The following RERE variants were observed in gnomAD, a reference collection of about 807,000 sequenced individuals.
The protein encoded by RERE is arginine-glutamic acid dipeptide repeats protein.
Under a neutral mutation model 146.1 loss-of-function variants are expected in RERE, and 40 were observed. The ratio of observed to expected loss-of-function variants is 0.27; its 90% confidence interval spans 0.21 to 0.36. The LOEUF is 0.36. Ranked by LOEUF, RERE falls within the 10% of genes least tolerant of loss-of-function variation. The pLI is 1.00. For synonymous variants in RERE, 1,003 were observed against 866.0 expected, an observed-to-expected ratio of 1.16 and a Z score of -2.78; for missense variants, 1,933 against 2,138.7, an observed-to-expected ratio of 0.90 and a Z score of 1.90.
intron 1 of RERE, among the ~76,000 whole-genome samples, chr1:8,695,223 A>G (rs11121220): frequency 0.014 from 2,181 of 152,300 alleles, 48 homozygotes; most frequent in African/African-American, 0.048. Context: ...AGCCATATGC[A>G]GAACTGGACC....
At chr1:8,382,294 C>T (rs1048264082) in intron 12 of RERE, among the ~76,000 whole-genome samples, 8 of 152,284 alleles carry the variant, frequency 5.3e-5, no homozygotes, top group African/African-American at 1.7e-4. Flanking sequence ...GTGGTCAACA[C>T]TTCCACCAGC....
chr1:8,386,023 T>TAAA (rs1491131483), intron 12 of RERE, among the ~76,000 whole-genome samples: 1 of 21,726 alleles, frequency 4.6e-5, no homozygotes, highest in African/African-American at 2.0e-4. Context: ...TATATATATA[T>TAAA]TTTTTTTTTT....
At chr1:8,440,787 T>C (rs551418900) in intron 11 of RERE, among the ~76,000 whole-genome samples, 2 of 149,258 alleles carry the variant, frequency 1.3e-5, no homozygotes, top group Non-Finnish European at 3.0e-5. Context: ...TCCCACCTAC[T>C]TGGGGAGGCT....
intron 4 of RERE, among the ~76,000 whole-genome samples, chr1:8,601,115 G>A (rs192697883): frequency 9.5e-5 from 14 of 147,662 alleles, no homozygotes; most frequent in Admixed American, 2.8e-4. Context: ...CACCTTCTGG[G>A]TTCAAGCAGT....
At chr1:8,587,619 C>T (rs138565763) in intron 4 of RERE, among the ~76,000 whole-genome samples, 7 of 152,272 alleles carry the variant, frequency 4.6e-5, no homozygotes, top group African/African-American at 1.7e-4. Flanking sequence ...GAATTCTGAT[C>T]ACATACTCAT....
chr1:8,806,663 C>T (rs1197617722), intron 1 of RERE: 1 of 152,094 alleles, frequency 6.6e-6, no homozygotes, highest in Admixed American at 6.5e-5. Context: ...GTACTCTTCG[C>T]AAGCAAGGTG....
At chr1:8,422,653 A>G (rs889553482) in intron 12 of RERE, 74 bp downstream of exon 12, 41 of 1,136,236 alleles carry the variant, frequency 3.6e-5, no homozygotes, top group African/African-American at 6.1e-5. Context: ...AAACCATTTC[A>G]TAAGATCAAA....
chr1:8,706,224 C>A (rs768557628), intron 1 of RERE, among the ~76,000 whole-genome samples: 5 of 151,050 alleles, frequency 3.3e-5, no homozygotes, highest in Admixed American at 6.6e-5. Flanking sequence ...GAGGCTGAGA[C>A]AGGAGGATCC....
intron 4 of RERE, among the ~76,000 whole-genome samples, chr1:8,583,855 C>T (rs1020898243): frequency 2.1e-4 from 32 of 151,834 alleles, no homozygotes; most frequent in Non-Finnish European, 3.4e-4. Flanking sequence ...AAATTAAATT[C>T]GCATAAAAAC....
chr1:8,384,701 TACAG>T (rs1161934631), intron 12 of RERE, among the ~76,000 whole-genome samples: 1 of 152,230 alleles, frequency 6.6e-6, no homozygotes, highest in African/African-American at 2.4e-5. Context: ...TCCCTCTAGT[TACAG>T]ACAATTAACA....
At chr1:8,380,746 G>A (rs1642416904) in intron 12 of RERE, 1 of 427,050 alleles carries the variant, frequency 2.3e-6, no homozygotes, top group Middle Eastern at 3.4e-4. Flanking sequence ...AGAACAGAAA[G>A]GTAGAGATTT....
chr1:8,800,509 A>T (rs1641567610), intron 1 of RERE, among the ~76,000 whole-genome samples: 1 of 147,694 alleles, frequency 6.8e-6, no homozygotes. Context: ...ATGGTCAAAG[A>T]AATGCAAATT....
intron 1 of RERE, among the ~76,000 whole-genome samples, chr1:8,669,077 T>TGTGTGTGTGTGTG (rs1220047868): frequency 3.0e-5 from 4 of 134,180 alleles, no homozygotes; most frequent in East Asian, 2.2e-4. Context: ...TGTGTGTGTG[T>TGTGTGTGTGTGTG]TGTGTTTTTA....
intron 8 of RERE, among the ~76,000 whole-genome samples, chr1:8,498,933 G>A (rs976459626): frequency 2.6e-5 from 4 of 151,774 alleles, no homozygotes; most frequent in Non-Finnish European, 4.4e-5. Flanking sequence ...CATAAGATAC[G>A]AACAATTCGC....
Position 8,610,427 on chromosome 1 carries a change from A to G in RERE, c.522+4134T>C, listed in dbSNP as rs1299063348. On this transcript the variant is annotated intron_variant, in intron 4 of 22. Transcript: ENST00000400908. ...AACATAGTGAAACCCTATCTCTACT[A>G]AAAATACAAAACTTAGCCAGGCATG... Among the ~76,000 whole-genome samples the G allele has an allele frequency of 3.3e-5, 5 of 152,140 alleles. No individual in the cohort carries two copies. In the East Asian group the frequency reaches 9.7e-4, roughly 30 times the overall value.
rs534799101 is a variant in RERE at position 8,355,855 on chromosome 1, C to G, written c.4486+245G>C. 9.2e-5 allele frequency among the ~76,000 whole-genome samples: 14 copies of G among 152,246 alleles called. No individual in the cohort carries two copies. The South Asian group carries it at 2.9e-3, about 32-fold the overall frequency. ...GCCCAAGTGCTTCTCCTTCAGAGAC[C>G]TGCCGTGAGTCCCCTCTGCTACTTT... On this transcript the variant is annotated intron_variant, in intron 21 of 22. Coordinates refer to ENST00000400908, the MANE Select transcript of RERE (RefSeq NM_001042681.2).
In RERE at chr1:8,354,788, A is replaced by G. The variant is rs1305062373; in HGVS notation, c.*299T>C. 4.9e-6 allele frequency: 2 copies of G among 409,724 alleles called. No homozygotes were observed. The highest frequency in any genetic ancestry group is 8.6e-6 in the Non-Finnish European group (2 of 232,546). The allele number at this position is 409,724 out of a possible 1,614,324, so 25.4% of individuals were successfully genotyped here. On this transcript the variant is annotated 3_prime_UTR_variant, in exon 23 of 23. Coordinates refer to ENST00000400908, the MANE Select transcript of RERE (RefSeq NM_001042681.2). ...TAGCACCTACTGAGAAATCAAGGAA[A>G]AGAAAACTAAAGCCAAACCCCAAGA...
chr1:8,462,540 C>T (rs1644540262), intron 11 of RERE, among the ~76,000 whole-genome samples: 1 of 152,230 alleles, frequency 6.6e-6, no homozygotes, highest in Non-Finnish European at 1.5e-5. Flanking sequence ...GCAGGCCTGC[C>T]AGGCCCAGGA....
At chr1:8,708,905 GTTTTTT>G (rs35403792) in intron 1 of RERE, among the ~76,000 whole-genome samples, 19 of 72,284 alleles carry the variant, frequency 2.6e-4, no homozygotes, top group South Asian at 2.2e-3. Context: ...AAACTCTGGA[GTTTTTT>G]TTTTTTTTTT....
Sources: gnomAD v4.1 joint callset for allele counts (sites outside exome capture counted in the v4.1 genomes callset) on GRCh38, gnomAD v4.1.1 for gene constraint, MANE v1.5 for transcripts, NCBI Gene and HGNC (gene_info 2026-07-23, HGNC 2026-07-21) for gene names.